FRMD3: variants seen among roughly 807,000 people sequenced by gnomAD.
FRMD3 encodes FERM domain containing 3, also known as FERM domain-containing protein 3.
Under a neutral mutation model 70.2 loss-of-function variants are expected in FRMD3, and 33 were observed. That is an observed-to-expected ratio of 0.47 (90% CI 0.36 to 0.63). The LOEUF is 0.63. Ranked by LOEUF, FRMD3 falls within the 20% of genes least tolerant of loss-of-function variation. The pLI, the probability that FRMD3 is intolerant of heterozygous loss-of-function variation, is 0.00. For synonymous variants in FRMD3, 279 were observed against 255.9 expected (o/e 1.09, Z -0.86); for missense variants, 632 against 711.4 (o/e 0.89, Z 1.27).
chr9:83,447,466 A>G (rs1827513034), intron 1 of FRMD3, among the ~76,000 whole-genome samples: 1 of 152,224 alleles, frequency 6.6e-6, no homozygotes, highest in Non-Finnish European at 1.5e-5. Context: ...GATGAGACAC[A>G]ATAGGCAATC....
chr9:83,415,721 A>G (rs1317001448), intron 1 of FRMD3, among the ~76,000 whole-genome samples: 1 of 150,770 alleles, frequency 6.6e-6, no homozygotes, highest in Non-Finnish European at 1.5e-5. Context: ...CGGCCTCCCA[A>G]ATTGCTGGGA....
At chr9:83,555,560 C>T in the FRMD3 span, among the ~76,000 whole-genome samples, 1 of 152,336 alleles carries the variant, frequency 6.6e-6, no homozygotes, top group Non-Finnish European at 1.5e-5. Flanking sequence ...AGGTGCAATG[C>T]CACTACTGGT....
the FRMD3 span, among the ~76,000 whole-genome samples, chr9:83,551,342 A>G: frequency 2.0e-5 from 3 of 152,138 alleles, no homozygotes; most frequent in Non-Finnish European, 2.9e-5. Context: ...ATCATGGTGG[A>G]TTAGCTTTTT....
intron 1 of FRMD3, among the ~76,000 whole-genome samples, chr9:83,495,682 G>A (rs549355705): frequency 1.3e-5 from 2 of 152,306 alleles, no homozygotes; most frequent in East Asian, 3.9e-4. Context: ...CTTAATGATA[G>A]GTATAGTAAG....
Position 83,246,750 on chromosome 9 carries a change from AT to A in FRMD3, c.*1167del, listed in dbSNP as rs1416440657. 1 of 985,064 alleles carries A rather than the reference AT, an allele frequency of 1.0e-6. No individual in the cohort carries two copies. Among genetic ancestry groups the A allele is most frequent in the Non-Finnish European group, 1.2e-6 (1 of 829,890 alleles). 61.0% of individuals were successfully genotyped at this position (985,064 alleles called of 1,614,324 possible). ...AGAATCACAACAAATGGCATGAGGGATCAAAATATTTACCTTAAAGTTTCTC... is the reference window on the plus strand; with the variant it reads ...AGAATCACAACAAATGGCATGAGGGACAAAATATTTACCTTAAAGTTTCTC... On this transcript the variant is annotated 3_prime_UTR_variant, in exon 14 of 14. Coordinates refer to ENST00000304195, the MANE Select transcript of FRMD3 (RefSeq NM_174938.6).
At chr9:83,460,773 A>T (rs916110285) in intron 1 of FRMD3, among the ~76,000 whole-genome samples, 11 of 152,170 alleles carry the variant, frequency 7.2e-5, no homozygotes, top group African/African-American at 2.4e-4. Context: ...GGGTAACTTT[A>T]TTAGATTTTT....
At chr9:83,346,585 C>G (rs184950410) in intron 4 of FRMD3, among the ~76,000 whole-genome samples, 1 of 152,280 alleles carries the variant, frequency 6.6e-6, no homozygotes, top group Non-Finnish European at 1.5e-5. Flanking sequence ...AAATTTCCTA[C>G]TGGGGTGATG....
chr9:83,248,433 G>T lies in FRMD3; in HGVS notation c.1279C>A (p.Pro427Thr). Reference protein sequence around the residue: ...PVKAAREYEDPPSEEEDKIKE... With the variant: ...PVKAAREYEDTPSEEEDKIKE... ...ATTTTATCTTCCTCTTCACTAGGGG[G>T]ATCTTCATACTCCCGGGCTGCCTTC... Residue 427 changes from proline to threonine, a missense_variant, in exon 14 of 14, where the codon CCC becomes ACC. Physicochemically the swap from Pro to Thr is conservative, Grantham distance 38. This residue lies in a region of FRMD3 where 418 missense variants were observed against 442.1 expected (regional missense o/e 0.95). Transcript: ENST00000304195. 2 of 1,614,086 alleles carry T rather than the reference G, an allele frequency of 1.2e-6. No homozygotes were observed. The highest frequency in any genetic ancestry group is 1.7e-6 in the Non-Finnish European group (2 of 1,180,022).
At chr9:83,372,488 C>G (rs1473937070) in intron 3 of FRMD3, among the ~76,000 whole-genome samples, 1 of 152,034 alleles carries the variant, frequency 6.6e-6, no homozygotes, top group Non-Finnish European at 1.5e-5. Flanking sequence ...CAGTCTTCAG[C>G]AAAGTCATTG....
chr9:83,557,307 G>A, the FRMD3 span, among the ~76,000 whole-genome samples: 27 of 152,114 alleles, frequency 1.8e-4, no homozygotes, highest in African/African-American at 6.5e-4. Context: ...TTATTTTTAT[G>A]CATCTACATG....
At chr9:83,349,612 CTGCAAGACCAA>C in intron 4 of FRMD3, 56 bp downstream of exon 4, 1 of 1,185,402 alleles carries the variant, frequency 8.4e-7, no homozygotes, top group Non-Finnish European at 1.2e-6. Flanking sequence ...CCCATCTAGC[CTGCAAGACCAA>C]AGAGATTCTG....
chr9:83,499,649 G>A (rs1047624243), intron 1 of FRMD3, among the ~76,000 whole-genome samples: 7 of 152,274 alleles, frequency 4.6e-5, no homozygotes, highest in East Asian at 1.9e-4. Flanking sequence ...ACCAAATTCT[G>A]GTGAGGATCT....
chr9:83,503,987 G>A (rs561457879), intron 1 of FRMD3, among the ~76,000 whole-genome samples: 15 of 152,326 alleles, frequency 9.8e-5, no homozygotes, highest in Non-Finnish European at 1.8e-4. Flanking sequence ...TGACAAGGGC[G>A]GGAGTGGGGA....
intron 1 of FRMD3, among the ~76,000 whole-genome samples, chr9:83,440,801 T>C (rs750886422): frequency 2.0e-5 from 3 of 152,188 alleles, no homozygotes; most frequent in Non-Finnish European, 2.9e-5. Context: ...CCTTGCATAA[T>C]TGAGGTAAAG....
chr9:83,464,894 C>T (rs552377471), intron 1 of FRMD3, among the ~76,000 whole-genome samples: 118 of 150,330 alleles, frequency 7.8e-4, no homozygotes, highest in African/African-American at 2.6e-3. Flanking sequence ...GTGGTGTGCA[C>T]CTGTAATCCC....
At chr9:83,318,481 A>ATGTG (rs36015788) in intron 6 of FRMD3, among the ~76,000 whole-genome samples, 96 of 150,940 alleles carry the variant, frequency 6.4e-4, no homozygotes, top group South Asian at 1.3e-3. Context: ...TATATATAAT[A>ATGTG]TGTGTGTGTG....
In FRMD3 at chr9:83,290,704, C is replaced by A. The variant is rs367855447; in HGVS notation, c.1094G>T (p.Ser365Ile). 1 of 1,612,896 alleles carries A rather than the reference C, an allele frequency of 6.2e-7. No individual in the cohort carries two copies. The highest frequency in any genetic ancestry group is 2.2e-5 in the East Asian group (1 of 44,858). ...GAGCTGTTTGTTCAAGGAGTGGGAA[C>A]TGCGGCTCTGAGTAATGTTGGCTCT... Reference protein sequence around the residue: ...VHRANITQSRSSHSLNKQLII... With the variant: ...VHRANITQSRISHSLNKQLII... Residue 365 changes from serine (S) to isoleucine (I), a missense_variant, in exon 13 of 14, where the codon AGT becomes ATT. Ser to Ile is a moderately radical substitution (Grantham distance 142). Around this residue, in one of 3 missense-constraint regions of FRMD3, gnomAD observed 418 missense variants for 442.1 expected, o/e 0.95. Transcript: ENST00000304195.
rs762265944 is a variant in FRMD3 at position 83,382,575 on chromosome 9, C to A, written c.252+7029G>T. On this transcript the variant is annotated intron_variant, in intron 2 of 13. Coordinates refer to ENST00000304195, the MANE Select transcript of FRMD3 (RefSeq NM_174938.6). ...TGCCCTGGTCTTCATGATGCCAAAGCTTTTAGCACCTGAACAATTTCCTAA... is the reference window on the plus strand; with the variant it reads ...TGCCCTGGTCTTCATGATGCCAAAGATTTTAGCACCTGAACAATTTCCTAA... Among the ~76,000 whole-genome samples the A allele has an allele frequency of 2.2e-4, 34 of 152,256 alleles. 1 individual carries two copies. The highest frequency in any genetic ancestry group is 5.9e-5 in the Non-Finnish European group (4 of 68,016).
Position 83,465,884 on chromosome 9 carries a change from C to T in FRMD3, c.147+72201G>A, listed in dbSNP as rs150959604. Among the ~76,000 whole-genome samples, 417 of 152,306 alleles carry T rather than the reference C, an allele frequency of 2.7e-3. 6 individuals are homozygous for T. Among genetic ancestry groups the T allele is most frequent in the African/African-American group, 9.1e-3 (377 of 41,568 alleles). On this transcript the variant is annotated intron_variant, in intron 1 of 13. Transcript: ENST00000304195. ...GAAAGTCTTAATCATGAGCTTTAAA[C>T]TGATCAACAACAAAACTCACAATTA...
Sources: gnomAD v4.1 joint callset for allele counts (sites outside exome capture counted in the v4.1 genomes callset) on GRCh38, gnomAD v4.1.1 for gene constraint, gnomAD v4.1.1 regional missense constraint, MANE v1.5 for transcripts, NCBI Gene and HGNC (gene_info 2026-07-23, HGNC 2026-07-21) for gene names.